The following CLNK variants were observed in gnomAD, a reference collection of about 807,000 sequenced individuals.
The protein encoded by CLNK is cytokine dependent hematopoietic cell linker, also known as cytokine-dependent hematopoietic cell linker.
Under a neutral mutation model 68.6 loss-of-function variants are expected in CLNK, and 74 were observed. The ratio of observed to expected loss-of-function variants is 1.08; its 90% confidence interval spans 0.89 to 1.31. The LOEUF is 1.31. Ranked by LOEUF, CLNK falls within the 50% of genes most tolerant of loss-of-function variation. The pLI is 0.00. For synonymous variants in CLNK, 198 were observed against 172.2 expected (o/e 1.15, Z -1.17); for missense variants, 553 against 515.3 (o/e 1.07, Z -0.71).
chr4:10,642,331 A>T (rs1471194849), intron 2 of CLNK, among the ~76,000 whole-genome samples: 1 of 152,182 alleles, frequency 6.6e-6, no homozygotes, highest in Non-Finnish European at 1.5e-5. Context: ...GGAGCTTCTG[A>T]TTGAAAGGCC....
chr4:10,597,976 A>C lies in CLNK; in HGVS notation c.83+2T>G, dbSNP rs1184178175. The stretch of plus-strand genomic sequence containing the variant: ...TATTAATAAACAAGTAAATATTCTG[A>C]CCTGTTTTTTGGCAGACTGAAGTTC... On this transcript the variant is annotated splice_donor_variant, in intron 3 of 18. Coordinates refer to ENST00000226951, the MANE Select transcript of CLNK (RefSeq NM_052964.4). LOFTEE classifies it high-confidence loss of function. The C allele has an allele frequency of 1.9e-6, 3 of 1,565,426 alleles. No homozygotes were observed. The highest frequency in any genetic ancestry group is 2.6e-6 in the Non-Finnish European group (3 of 1,150,452).
At chr4:10,531,625 GA>G (rs1278931001) in intron 12 of CLNK, 1 of 395,070 alleles carries the variant, frequency 2.5e-6, no homozygotes, top group Non-Finnish European at 5.0e-6. Context: ...ATTTTTTGTA[GA>G]GATGGGGTTT....
intron 6 of CLNK, 43 bp downstream of exon 6, chr4:10,565,966 T>C: frequency 1.9e-6 from 3 of 1,597,872 alleles, no homozygotes; most frequent in Non-Finnish European, 1.7e-6. Flanking sequence ...TATGGTGGCA[T>C]GTACATGCAT....
chr4:10,614,814 A>G (rs10027001), intron 2 of CLNK, among the ~76,000 whole-genome samples: 29,466 of 152,160 alleles, frequency 0.19, 3,018 homozygotes, highest in Middle Eastern at 0.25. Flanking sequence ...ATTGTTTCCT[A>G]TGAGTACCCA....
the CLNK span, among the ~76,000 whole-genome samples, chr4:10,725,848 C>T: frequency 3.0e-5 from 4 of 131,946 alleles, no homozygotes; most frequent in Admixed American, 8.2e-5. Flanking sequence ...AGGGAGACTC[C>T]GTCTAAAAAA....
intron 2 of CLNK, among the ~76,000 whole-genome samples, chr4:10,665,275 C>A (rs1362122007): frequency 6.6e-6 from 1 of 152,156 alleles, no homozygotes; most frequent in Admixed American, 6.5e-5. Flanking sequence ...CAACAGAGAC[C>A]AACTCCCTGG....
chr4:10,632,955 C>T (rs1477580731), intron 2 of CLNK, among the ~76,000 whole-genome samples: 4 of 152,120 alleles, frequency 2.6e-5, no homozygotes, highest in Non-Finnish European at 5.9e-5. Flanking sequence ...AGCATTTTAT[C>T]TTATTTTGAC....
the CLNK span, among the ~76,000 whole-genome samples, chr4:10,716,686 C>T: frequency 7.5e-6 from 1 of 132,948 alleles, no homozygotes; most frequent in Non-Finnish European, 1.6e-5. Flanking sequence ...AGACAGAAAA[C>T]TTTTTTTTTT....
chr4:10,681,346 G>A (rs1725085026), intron 1 of CLNK, among the ~76,000 whole-genome samples: 1 of 152,152 alleles, frequency 6.6e-6, no homozygotes, highest in African/African-American at 2.4e-5. Flanking sequence ...GTGAAATGTG[G>A]TCCTTAGGCA....
the CLNK span, chr4:10,697,691 T>G: frequency 1.3e-5 from 2 of 152,234 alleles, no homozygotes; most frequent in Non-Finnish European, 2.9e-5. Flanking sequence ...ATAAATTTGC[T>G]TTTAATTTTC....
chr4:10,561,651 T>C (rs1719891696), intron 7 of CLNK, among the ~76,000 whole-genome samples: 1 of 152,164 alleles, frequency 6.6e-6, no homozygotes, highest in Non-Finnish European at 1.5e-5. Flanking sequence ...GAATTCTCAT[T>C]TCCTGGCCAC....
At chr4:10,702,374 A>G in the CLNK span, among the ~76,000 whole-genome samples, 1 of 152,114 alleles carries the variant, frequency 6.6e-6, no homozygotes, top group African/African-American at 2.4e-5. Context: ...GACTATGGCC[A>G]GTTTAGATGG....
At chr4:10,713,872 C>T in the CLNK span, among the ~76,000 whole-genome samples, 1 of 152,164 alleles carries the variant, frequency 6.6e-6, no homozygotes, top group Non-Finnish European at 1.5e-5. Context: ...TTTTCTTTAC[C>T]AATTGTCAGA....
chr4:10,710,213 G>T, the CLNK span, among the ~76,000 whole-genome samples: 1 of 152,152 alleles, frequency 6.6e-6, no homozygotes, highest in African/African-American at 2.4e-5. Context: ...AGAGATCTGG[G>T]CTCTGGTCAG....
the CLNK span, among the ~76,000 whole-genome samples, chr4:10,694,068 G>A: frequency 6.6e-6 from 1 of 151,956 alleles, no homozygotes; most frequent in African/African-American, 2.4e-5. Flanking sequence ...TTTGCTATTG[G>A]TGGTGGTAGA....
chr4:10,556,643 T>C (rs917976532), intron 8 of CLNK, among the ~76,000 whole-genome samples: 1 of 152,242 alleles, frequency 6.6e-6, no homozygotes, highest in Non-Finnish European at 1.5e-5. Context: ...CATATTATTA[T>C]GACTGAGGCC....
chr4:10,606,299 G>C (rs927850132), intron 2 of CLNK, among the ~76,000 whole-genome samples: 1 of 152,044 alleles, frequency 6.6e-6, no homozygotes. Context: ...ACTACCTGCC[G>C]CCCCAACACC....
chr4:10,645,882 A>C lies in CLNK; in HGVS notation c.11+21977T>G, dbSNP rs111810412. Among the ~76,000 whole-genome samples, 721 of 152,306 alleles carry C rather than the reference A, an allele frequency of 4.7e-3. 6 individuals carry two copies. The highest frequency in any genetic ancestry group is 0.016 in the African/African-American group (679 of 41,570). ...AAAAGATAAATGTTTGAGGTGATGG[A>C]TATCCCAAATACCTTGATTTTTTAA... On this transcript the variant is annotated intron_variant, in intron 2 of 18. Coordinates refer to ENST00000226951, the MANE Select transcript of CLNK (RefSeq NM_052964.4).
intron 1 of CLNK, among the ~76,000 whole-genome samples, chr4:10,670,711 TAA>T (rs34661694): frequency 6.6e-6 from 1 of 151,476 alleles, no homozygotes; most frequent in African/African-American, 2.4e-5. Flanking sequence ...ATAGTTTCAT[TAA>T]AAAAAAATAC....
Sources: allele counts gnomAD v4.1 joint callset (sites outside exome capture counted in the v4.1 genomes callset), GRCh38; gene constraint gnomAD v4.1.1; transcripts MANE v1.5; gene names NCBI Gene and HGNC (gene_info 2026-07-23, HGNC 2026-07-21).